RAB38: variants seen among roughly 807,000 people sequenced by gnomAD.
The protein encoded by RAB38 is ras-related protein Rab-38.
RAB38 carries 15 observed loss-of-function variants against 18.4 expected under a neutral mutation model. The ratio of observed to expected loss-of-function variants is 0.82; its 90% CI spans 0.55 to 1.26. The LOEUF (loss-of-function observed/expected upper bound fraction) is 1.26. Among genes scored for constraint, RAB38 ranks in the 50% most tolerant of loss-of-function variants. The pLI is 0.00. For synonymous variants in RAB38, 101 were observed against 104.4 expected (o/e 0.97, Z 0.20); for missense variants, 294 against 267.4 (o/e 1.10, Z -0.69).
At chr11:88,132,549 C>T (rs1397565363) in intron 2 of RAB38, among the ~76,000 whole-genome samples, 2 of 152,182 alleles carry the variant, frequency 1.3e-5, no homozygotes, top group East Asian at 3.8e-4. Context: ...TCTCTGCATC[C>T]CAGGTTCAAG....
At chr11:87,915,504 A>T in the RAB38 span, among the ~76,000 whole-genome samples, 1 of 152,106 alleles carries the variant, frequency 6.6e-6, no homozygotes, top group Non-Finnish European at 1.5e-5. Flanking sequence ...CACCAGTGCC[A>T]TGACAGTTTA....
the RAB38 span, among the ~76,000 whole-genome samples, chr11:87,887,020 C>G: frequency 6.6e-6 from 1 of 151,722 alleles, no homozygotes; most frequent in Non-Finnish European, 1.5e-5. Flanking sequence ...CGGCCCCAAA[C>G]CCCATGAAAT....
chr11:88,166,787 A>T (rs573852571), intron 1 of RAB38: 1 of 152,222 alleles, frequency 6.6e-6, no homozygotes, highest in South Asian at 2.1e-4. Flanking sequence ...CCTTAAGAAA[A>T]GTGGTTGCCA....
At position 88,113,765 on chromosome 11, in the gene RAB38, A is replaced by C; in HGVS notation, c.*223T>G. The stretch of plus-strand genomic sequence containing the variant: ...GGTCAGCTACATGACAGAAGTTTGT[A>C]ACAGACTAAATATTTTCAAAAGTTT... On this transcript the variant is annotated 3_prime_UTR_variant, in exon 3 of 3. Coordinates refer to ENST00000243662, the MANE Select transcript of RAB38 (RefSeq NM_022337.3). The C allele has an allele frequency of 1.8e-5, 10 of 555,498 alleles. 1 individual carries two copies. The South Asian group carries it at 3.0e-4, about 17-fold the overall frequency. 34.4% of individuals were successfully genotyped at this position (555,498 alleles called of 1,614,324 possible).
chr11:87,805,621 A>ACG, the RAB38 span, among the ~76,000 whole-genome samples: 4 of 109,476 alleles, frequency 3.7e-5, no homozygotes, highest in Non-Finnish European at 7.5e-5. Flanking sequence ...ACACACACAC[A>ACG]CGCACACACA....
At chr11:87,840,730 T>G in the RAB38 span, among the ~76,000 whole-genome samples, 1 of 152,206 alleles carries the variant, frequency 6.6e-6, no homozygotes, top group African/African-American at 2.4e-5. Flanking sequence ...TACTGATGAA[T>G]ATGGATGTTT....
At chr11:88,173,455 G>A in intron 1 of RAB38, 1 of 865,168 alleles carries the variant, frequency 1.2e-6, no homozygotes, top group South Asian at 5.3e-5. Flanking sequence ...GGATCCAGAT[G>A]GAGGCAGTTC....
In RAB38 at chr11:88,175,424, G is replaced by T. The variant is rs747443350; in HGVS notation, c.-40C>A. 29 of 1,607,888 alleles carry T rather than the reference G, an allele frequency of 1.8e-5. 1 individual carries two copies. The South Asian group carries it at 3.1e-4, about 17-fold the overall frequency. ...AGACGTGCCGTGCCTGACCAGGGAA[G>T]CGCAGCCTGGGCTCTGCGCACGAGA... is the stretch of plus-strand genomic sequence containing the variant. On this transcript the variant is annotated 5_prime_UTR_variant, in exon 1 of 3. Transcript: ENST00000243662.
the RAB38 span, among the ~76,000 whole-genome samples, chr11:88,040,861 G>T: frequency 6.6e-6 from 1 of 152,206 alleles, no homozygotes; most frequent in Non-Finnish European, 1.5e-5. Context: ...TGCACGAATG[G>T]AGACTTGAGT....
At chr11:87,878,246 C>CCTAT in the RAB38 span, among the ~76,000 whole-genome samples, 351 of 77,440 alleles carry the variant, frequency 4.5e-3, 21 homozygotes, top group African/African-American at 0.026. Flanking sequence ...TACACACACA[C>CCTAT]CTATCATCTA....
chr11:87,857,271 C>T, the RAB38 span, among the ~76,000 whole-genome samples: 7 of 152,296 alleles, frequency 4.6e-5, no homozygotes, highest in African/African-American at 1.7e-4. Context: ...CACTGATGGA[C>T]ATTTGGGTTG....
chr11:87,849,370 G>A, the RAB38 span, among the ~76,000 whole-genome samples: 2 of 152,026 alleles, frequency 1.3e-5, no homozygotes, highest in Non-Finnish European at 1.5e-5. Context: ...TTATGTGGTC[G>A]CCATATATAG....
chr11:88,005,463 C>T, the RAB38 span, among the ~76,000 whole-genome samples: 13 of 151,340 alleles, frequency 8.6e-5, no homozygotes, highest in African/African-American at 2.7e-4. Flanking sequence ...TTCACTCCTA[C>T]GTCAAACTAC....
chr11:87,854,392 T>C, the RAB38 span, among the ~76,000 whole-genome samples: 4,460 of 152,294 alleles, frequency 0.029, 140 homozygotes, highest in African/African-American at 0.077. Context: ...TGTATAGATC[T>C]TTTTATTTCT....
chr11:88,081,659 A>G, the RAB38 span, among the ~76,000 whole-genome samples: 8 of 152,004 alleles, frequency 5.3e-5, 1 homozygote, highest in East Asian at 1.6e-3. Flanking sequence ...TGTATTTCAT[A>G]GAAGGACATC....
At chr11:87,813,802 G>A in the RAB38 span, among the ~76,000 whole-genome samples, 6 of 152,082 alleles carry the variant, frequency 3.9e-5, no homozygotes, top group East Asian at 5.8e-4. Flanking sequence ...ATCGTATGAC[G>A]GTGGTGGCTG....
At chr11:87,974,676 G>A in the RAB38 span, among the ~76,000 whole-genome samples, 1 of 141,750 alleles carries the variant, frequency 7.1e-6, no homozygotes, top group Non-Finnish European at 1.5e-5. Context: ...ATCATAGTAG[G>A]ATTTTTTTTT....
the RAB38 span, among the ~76,000 whole-genome samples, chr11:87,951,570 G>T: frequency 2.6e-5 from 4 of 152,022 alleles, no homozygotes; most frequent in African/African-American, 9.7e-5. Context: ...TACAGATGGG[G>T]TTTTGGTGTG....
intron 1 of RAB38, among the ~76,000 whole-genome samples, chr11:88,157,231 G>C (rs186967511): frequency 6.6e-6 from 1 of 152,146 alleles, no homozygotes; most frequent in Non-Finnish European, 1.5e-5. Flanking sequence ...ACTGGCAACA[G>C]TCAAATAGGA....
Sources: gnomAD v4.1 joint callset for allele counts (sites outside exome capture counted in the v4.1 genomes callset) on GRCh38, gnomAD v4.1.1 for gene constraint, MANE v1.5 for transcripts, NCBI Gene and HGNC (gene_info 2026-07-23, HGNC 2026-07-21) for gene names.